MYPN: variants seen among roughly 807,000 people sequenced by gnomAD.
MYPN encodes myopalladin, also known as sarcomeric protein myopalladin, 145 kDa (MYOP).
MYPN carries 63 observed loss-of-function variants against 129.4 expected under a neutral mutation model. The observed-to-expected ratio is 0.49, with a 90% CI of 0.40 to 0.60. The LOEUF is 0.60. MYPN is among the 20% of genes least tolerant of loss of function. The pLI is 0.00. For synonymous variants in MYPN, 629 were observed against 600.9 expected (o/e 1.05, Z -0.68); for missense variants, 1,596 against 1,635.4 (o/e 0.98, Z 0.42).
chr10:68,121,286 A>G (rs879686132), intron 1 of MYPN, among the ~76,000 whole-genome samples, 152 bp from the exon 2 acceptor site: 5 of 152,230 alleles, frequency 3.3e-5, no homozygotes, highest in Admixed American at 6.5e-5. Flanking sequence ...TCAAAAATAA[A>G]TAAATTAATT....
At chr10:68,170,683 T>C (rs1471198928) in intron 10 of MYPN, among the ~76,000 whole-genome samples, 1 of 152,214 alleles carries the variant, frequency 6.6e-6, no homozygotes, top group Non-Finnish European at 1.5e-5. Flanking sequence ...CTTTGAAATT[T>C]CAGATTGAAT....
chr10:68,111,481 C>T (rs889420085), intron 1 of MYPN, among the ~76,000 whole-genome samples: 4 of 151,978 alleles, frequency 2.6e-5, no homozygotes, highest in African/African-American at 9.7e-5. Flanking sequence ...AAAGGGTTTT[C>T]TTAACAGGTT....
rs1417045599 is a variant in MYPN, at chr10:68,142,924, A to G, written c.903-16A>G. 6.2e-7 allele frequency: 1 copy of G among 1,613,494 alleles called. No homozygotes were observed. Among genetic ancestry groups the G allele is most frequent in the South Asian group, 1.1e-5 (1 of 91,078 alleles). On this transcript the variant is annotated splice_polypyrimidine_tract_variant and intron_variant, in intron 2 of 19. Transcript: ENST00000358913. ...CATTTGAGTCATGTCCAATGACCATATCCTTTTCCCTGCAGGTGGTACTGT... is the reference window on the plus strand; with the variant it reads ...CATTTGAGTCATGTCCAATGACCATGTCCTTTTCCCTGCAGGTGGTACTGT...
In MYPN at chr10:68,211,918, A is replaced by T. The variant is rs1304586208; in HGVS notation, c.*1463A>T. ...GCCAAGCACACTCAGCTGGCATTGT[A>T]TTTGTGTGAACAGACAGTAACTGCT... On this transcript the variant is annotated 3_prime_UTR_variant, in exon 20 of 20. Coordinates refer to ENST00000358913, the MANE Select transcript of MYPN (RefSeq NM_032578.4). The T allele has an allele frequency of 1.2e-5, 5 of 427,346 alleles. No individual in the cohort carries two copies. The Admixed American group carries it at 1.3e-4, about 11-fold the overall frequency. The allele number at this position is 427,346 out of a possible 1,614,324, so 26.5% of individuals were successfully genotyped here.
rs569718340 is a variant in MYPN, at chr10:68,165,754, C to T, written c.1536C>T (p.Cys512=). The change falls in exon 9 of 20, where the codon TGC becomes TGT. Residue 512 remains cysteine (C), a synonymous_variant. Transcript: ENST00000358913. ...IAEVFAEDSG[C]FTCTASNKYG... ...AGGTGTTTGCAGAAGATTCTGGGTGCTTCACATGTACTGCAAGCAACAAAT... is the reference window on the plus strand; with the variant it reads ...AGGTGTTTGCAGAAGATTCTGGGTGTTTCACATGTACTGCAAGCAACAAAT... The T allele has an allele frequency of 6.2e-6, 10 of 1,614,190 alleles. No individual in the cohort carries two copies. The African/African-American group carries it at 1.3e-4, about 22-fold the overall frequency.
At chr10:68,143,191 G>A (rs2042604758) in intron 3 of MYPN, 76 bp downstream of exon 3, 2 of 1,411,340 alleles carry the variant, frequency 1.4e-6, no homozygotes, top group Admixed American at 1.7e-5. Context: ...TTTATTGAGG[G>A]CCTCCTCTAC....
intron 7 of MYPN, among the ~76,000 whole-genome samples, chr10:68,159,637 C>T (rs1399570404): frequency 6.6e-6 from 1 of 152,098 alleles, no homozygotes; most frequent in African/African-American, 2.4e-5. Context: ...CCATAAACTA[C>T]ATTGCAACAT....
At chr10:68,095,218 C>T (rs982279107) in intron 1 of MYPN, among the ~76,000 whole-genome samples, 2 of 151,636 alleles carry the variant, frequency 1.3e-5, no homozygotes, top group African/African-American at 4.8e-5. Context: ...GGTGTGGAGT[C>T]ACATATCTGT....
intron 2 of MYPN, among the ~76,000 whole-genome samples, chr10:68,126,132 A>G (rs1039347405): frequency 2.6e-5 from 4 of 152,218 alleles, no homozygotes; most frequent in African/African-American, 9.6e-5. Flanking sequence ...TCAGGGAACC[A>G]TAAGTACTCA....
At chr10:68,093,085 G>T (rs1216223180) in intron 1 of MYPN, among the ~76,000 whole-genome samples, 1 of 151,938 alleles carries the variant, frequency 6.6e-6, no homozygotes, top group African/African-American at 2.4e-5. Flanking sequence ...TATTGCCCAG[G>T]CTGGTCTCCC....
intron 7 of MYPN, 110 bp downstream of exon 7, chr10:68,158,737 TA>T: frequency 2.5e-6 from 2 of 801,474 alleles, no homozygotes; most frequent in Non-Finnish European, 3.9e-6. Flanking sequence ...TCAAAAAGAA[TA>T]AAAAACACCT....
intron 1 of MYPN, among the ~76,000 whole-genome samples, chr10:68,091,295 A>G (rs2041929957): frequency 6.6e-6 from 1 of 150,854 alleles, no homozygotes; most frequent in African/African-American, 2.4e-5. Flanking sequence ...TCTCTTTCCT[A>G]CCTGTCATTC....
intron 1 of MYPN, among the ~76,000 whole-genome samples, chr10:68,093,537 G>C (rs1257791312): frequency 7.0e-6 from 1 of 142,992 alleles, no homozygotes; most frequent in African/African-American, 2.6e-5. Flanking sequence ...AGCAGATCGA[G>C]ACCATCCCGG....
intron 2 of MYPN, among the ~76,000 whole-genome samples, chr10:68,125,719 A>G (rs1286270119): frequency 3.3e-5 from 5 of 152,210 alleles, no homozygotes; most frequent in Admixed American, 6.5e-5. Flanking sequence ...GAGATGTAGG[A>G]GGATTTTACT....
In MYPN at chr10:68,210,430, G is replaced by A. The variant is rs1277891529; in HGVS notation, c.3938G>A (p.Ser1313Asn). ...ATGGTGTATTCATGCTCTTCTCGGA[G>A]TGTAGTGGAGAGTGATGAACTTTAA... Reference protein sequence around the residue: ...STMVYSCSSRSVVESDEL With the variant: ...STMVYSCSSRNVVESDEL Residue 1313 changes from serine (S) to asparagine (N), a missense_variant, in exon 20 of 20, where the codon AGT (serine) becomes AAT (asparagine). By Grantham distance (46) the Ser-to-Asn change is conservative (BLOSUM62 1). Transcript: ENST00000358913. 1.2e-6 allele frequency: 2 copies of A among 1,614,184 alleles called. No homozygotes were observed. Among genetic ancestry groups the A allele is most frequent in the East Asian group, 2.2e-5 (1 of 44,878 alleles).
At chr10:68,129,298 A>T (rs1047801980) in intron 2 of MYPN, among the ~76,000 whole-genome samples, 4 of 152,220 alleles carry the variant, frequency 2.6e-5, no homozygotes, top group African/African-American at 9.7e-5. Context: ...TCATAATGAA[A>T]ATATTTTTAA....
intron 12 of MYPN, 139 bp downstream of exon 12, chr10:68,175,600 AG>A (rs2043216097): frequency 1.1e-6 from 1 of 902,724 alleles, no homozygotes; most frequent in South Asian, 1.4e-5. Context: ...GACTAACCAA[AG>A]GTCATGTGAG....
At chr10:68,107,159 A>G (rs531688762), upstream of MYPN, among the ~76,000 whole-genome samples, 17 of 152,304 alleles carry the variant, frequency 1.1e-4, no homozygotes, top group South Asian at 1.7e-3. Flanking sequence ...AATCTAAAAT[A>G]TGTTTGATGT....
chr10:68,194,632 C>T, intron 14 of MYPN, 120 bp downstream of exon 14: 1 of 1,194,352 alleles, frequency 8.4e-7, no homozygotes, highest in Non-Finnish European at 1.2e-6. Flanking sequence ...GAATGAGAAG[C>T]ATTGTGATTT....
Sources: allele counts gnomAD v4.1 joint callset (sites outside exome capture counted in the v4.1 genomes callset), GRCh38; gene constraint gnomAD v4.1.1; transcripts MANE v1.5; gene names NCBI Gene and HGNC (gene_info 2026-07-23, HGNC 2026-07-21).